COX7B2: variants seen among roughly 807,000 people sequenced by gnomAD.
The protein encoded by COX7B2 is cytochrome c oxidase subunit 7B2.
For synonymous variants in COX7B2, 37 were observed against 32.1 expected (o/e 1.15, Z -0.51); for missense variants, 109 against 95.9 (o/e 1.14, Z -0.57).
chr4:46,863,949 G>A (rs542001944), intron 1 of COX7B2, among the ~76,000 whole-genome samples: 6 of 152,184 alleles, frequency 3.9e-5, no homozygotes, highest in South Asian at 2.1e-4. Context: ...ATTGGCTATC[G>A]AAATCTGAAA....
chr4:46,785,896 G>GA (rs757260069), intron 2 of COX7B2, among the ~76,000 whole-genome samples: 107 of 151,350 alleles, frequency 7.1e-4, no homozygotes, highest in South Asian at 1.0e-3. Flanking sequence ...GAAATAAACA[G>GA]AAAAAAAATC....
chr4:46,850,271 A>C (rs1221533457), intron 1 of COX7B2, among the ~76,000 whole-genome samples: 1 of 149,674 alleles, frequency 6.7e-6, no homozygotes, highest in African/African-American at 2.6e-5. Context: ...AAATGATTTA[A>C]AAATAATGAT....
intron 2 of COX7B2, among the ~76,000 whole-genome samples, chr4:46,785,407 T>A (rs1382452113): frequency 1.3e-5 from 2 of 151,002 alleles, no homozygotes; most frequent in Admixed American, 6.6e-5. Flanking sequence ...GGAGTCTTGC[T>A]CTGTCACCCA....
chr4:46,864,560 T>C (rs1409990190), intron 1 of COX7B2, among the ~76,000 whole-genome samples: 2 of 152,154 alleles, frequency 1.3e-5, no homozygotes, highest in Non-Finnish European at 2.9e-5. Flanking sequence ...TCTTGGTCAA[T>C]GTTTTGTGGT....
At chr4:46,878,754 C>A (rs1394363286) in intron 1 of COX7B2, among the ~76,000 whole-genome samples, 1 of 152,142 alleles carries the variant, frequency 6.6e-6, no homozygotes, top group African/African-American at 2.4e-5. Context: ...CTTTCCTTAT[C>A]AAATCCACAT....
intron 2 of COX7B2, among the ~76,000 whole-genome samples, chr4:46,810,136 G>A (rs1034737677): frequency 6.6e-5 from 10 of 152,040 alleles, no homozygotes; most frequent in Non-Finnish European, 8.8e-5. Flanking sequence ...CTTAAAGCTT[G>A]AGTGGGTCTC....
intron 2 of COX7B2, among the ~76,000 whole-genome samples, chr4:46,763,074 T>TATGTAATATATATTATATAAA (rs1716306058): frequency 7.7e-6 from 1 of 130,426 alleles, no homozygotes; most frequent in African/African-American, 2.9e-5. Context: ...TATTATATAA[T>TATGTAATATATATTATATAAA]ATATATTACA....
intron 1 of COX7B2, among the ~76,000 whole-genome samples, chr4:46,867,262 T>C (rs1425821808): frequency 6.6e-6 from 1 of 152,210 alleles, no homozygotes; most frequent in African/African-American, 2.4e-5. Context: ...TTACAGAAGA[T>C]GGACCTCCAC....
intron 2 of COX7B2, among the ~76,000 whole-genome samples, chr4:46,793,264 G>T (rs1246458018): frequency 6.6e-6 from 1 of 151,888 alleles, no homozygotes. Flanking sequence ...GCCAGAGGGG[G>T]GTTATCTCCA....
chr4:46,788,655 G>A lies in COX7B2; in HGVS notation c.-49-53414C>T, dbSNP rs546757152. Among the ~76,000 whole-genome samples the A allele has an allele frequency of 1.2e-4, 18 of 152,096 alleles. No homozygotes were observed. The South Asian group carries it at 3.7e-3, about 32-fold the overall frequency. ...TTACAGATGTATATCTCCACATATAGAAATCAATTTATGTATTTGTATATA... is the reference window on the plus strand; with the variant it reads ...TTACAGATGTATATCTCCACATATAAAAATCAATTTATGTATTTGTATATA... On this transcript the variant is annotated intron_variant, in intron 2 of 2. Transcript: ENST00000355591.
chr4:46,812,809 G>GAAA (rs1482668058), intron 2 of COX7B2, among the ~76,000 whole-genome samples: 2 of 152,166 alleles, frequency 1.3e-5, no homozygotes, highest in East Asian at 3.9e-4. Context: ...CAGCTACATG[G>GAAA]GTCAGCAGAG....
At chr4:46,770,933 AC>A (rs914694225) in intron 2 of COX7B2, among the ~76,000 whole-genome samples, 3 of 152,128 alleles carry the variant, frequency 2.0e-5, no homozygotes, top group African/African-American at 4.8e-5. Context: ...TTTTTATATG[AC>A]CCCAAAAGCA....
Position 46,893,961 on chromosome 4 carries a change from G to A in COX7B2, c.-105+15199C>T, listed in dbSNP as rs187708552. On this transcript the variant is annotated intron_variant, in intron 1 of 2. Coordinates refer to ENST00000355591, the MANE Select transcript of COX7B2 (RefSeq NM_130902.3). ...ACCTAGGAATACAACTAACCAGGAAGGTGAATGATCTCTACAATGAGAATT... is the reference window on the plus strand; with the variant it reads ...ACCTAGGAATACAACTAACCAGGAAAGTGAATGATCTCTACAATGAGAATT... Among the ~76,000 whole-genome samples, 50 of 152,158 alleles carry A rather than the reference G, an allele frequency of 3.3e-4. No homozygotes were observed. The East Asian group carries it at 9.1e-3, about 28-fold the overall frequency.
chr4:46,830,983 C>A (rs1207837413), intron 2 of COX7B2, among the ~76,000 whole-genome samples: 1 of 152,210 alleles, frequency 6.6e-6, no homozygotes, highest in East Asian at 1.9e-4. Context: ...TGTGGGAGCC[C>A]CTTCCTGGGA....
At chr4:46,905,237 AT>A (rs1190171000) in intron 1 of COX7B2, among the ~76,000 whole-genome samples, 1 of 152,152 alleles carries the variant, frequency 6.6e-6, no homozygotes, top group African/African-American at 2.4e-5. Flanking sequence ...GGTTTGTCAA[AT>A]TTACATTTTT....
intron 2 of COX7B2, among the ~76,000 whole-genome samples, chr4:46,794,327 T>C (rs1718209570): frequency 6.6e-6 from 1 of 152,172 alleles, no homozygotes; most frequent in East Asian, 1.9e-4. Flanking sequence ...GGAAGGATTA[T>C]AATTGGTTGG....
At chr4:46,771,834 G>A (rs190574042) in intron 2 of COX7B2, among the ~76,000 whole-genome samples, 26 of 152,086 alleles carry the variant, frequency 1.7e-4, no homozygotes, top group Admixed American at 7.2e-4. Context: ...TACTAAAGCC[G>A]TACATACTTA....
At chr4:46,873,961 A>T (rs555717120) in intron 1 of COX7B2, among the ~76,000 whole-genome samples, 13 of 152,280 alleles carry the variant, frequency 8.5e-5, no homozygotes, top group African/African-American at 3.1e-4. Context: ...TATTTAAGCC[A>T]CAGTGCCATT....
At chr4:46,762,920 CTATACCACATATA>C (rs1423102655) in intron 2 of COX7B2, among the ~76,000 whole-genome samples, 6 of 137,310 alleles carry the variant, frequency 4.4e-5, no homozygotes, top group South Asian at 4.3e-4. Flanking sequence ...TTGTGATAGT[CTATACCACATATA>C]TATACCACAT....
Sources: allele counts gnomAD v4.1 joint callset (sites outside exome capture counted in the v4.1 genomes callset), GRCh38; gene constraint gnomAD v4.1.1; transcripts MANE v1.5; gene names NCBI Gene and HGNC (gene_info 2026-07-23, HGNC 2026-07-21).